The following ROBO1 variants were observed in gnomAD, a reference collection of about 807,000 sequenced individuals.
ROBO1 encodes roundabout guidance receptor 1, also known as roundabout homolog 1.
ROBO1 carries 149 observed loss-of-function variants against 195.9 expected under a neutral mutation model. The ratio of observed to expected loss-of-function variants is 0.76; its 90% CI spans 0.67 to 0.87. The LOEUF is 0.87. Ranked by LOEUF, ROBO1 falls within the 40% of genes least tolerant of loss-of-function variation. The probability of loss-of-function intolerance (pLI) is 0.00; values close to 1 mark genes in which losing one functional copy is unlikely to be tolerated. For missense variants in ROBO1, 1,933 were observed against 2,068.3 expected (o/e 0.93, Z 1.27); for synonymous variants, 816 against 733.2 (o/e 1.11, Z -1.82).
At chr3:79,465,357 T>C (rs1240494346) in intron 2 of ROBO1, among the ~76,000 whole-genome samples, 2 of 152,168 alleles carry the variant, frequency 1.3e-5, no homozygotes, top group African/African-American at 2.4e-5. Flanking sequence ...ATTTATCTCT[T>C]CCAATTTAAT....
chr3:79,691,045 T>A (rs1386417819), intron 1 of ROBO1, among the ~76,000 whole-genome samples: 1 of 151,944 alleles, frequency 6.6e-6, no homozygotes, highest in Non-Finnish European at 1.5e-5. Flanking sequence ...TCAGAAACTG[T>A]GGCTTTAACA....
intron 1 of ROBO1, among the ~76,000 whole-genome samples, chr3:79,651,635 G>A (rs991989608): frequency 5.3e-5 from 8 of 152,060 alleles, no homozygotes; most frequent in East Asian, 1.9e-4. Flanking sequence ...CTAGCACCCC[G>A]GGAGACCAGC....
At chr3:79,644,827 A>T (rs1945770653) in intron 1 of ROBO1, among the ~76,000 whole-genome samples, 2 of 152,174 alleles carry the variant, frequency 1.3e-5, no homozygotes, top group South Asian at 4.1e-4. Flanking sequence ...AACAGGTCTC[A>T]GCAAATTCAT....
At position 79,031,382 on chromosome 3, in the gene ROBO1, T is replaced by C. The variant is rs572907555; in HGVS notation, c.173-92455A>G. ...ACATGTATTATTCCTCTTCCAGTGA[T>C]CTACAAGATAAAGGAATATCTCAGG... On this transcript the variant is annotated intron_variant, in intron 3 of 30. Coordinates refer to ENST00000464233, the MANE Select transcript of ROBO1 (RefSeq NM_002941.4). Among the ~76,000 whole-genome samples, 763 of 152,316 alleles carry C rather than the reference T, an allele frequency of 5.0e-3. 2 individuals carry two copies. The highest frequency in any genetic ancestry group is 0.014 in the Middle Eastern group (4 of 294).
intron 4 of ROBO1, among the ~76,000 whole-genome samples, chr3:78,826,877 G>A (rs1009711302): frequency 6.6e-6 from 1 of 152,120 alleles, no homozygotes; most frequent in East Asian, 1.9e-4. Flanking sequence ...TAACTTTCTG[G>A]TAACACAACC....
chr3:79,344,915 C>T (rs574602933), intron 2 of ROBO1, among the ~76,000 whole-genome samples: 18 of 152,058 alleles, frequency 1.2e-4, no homozygotes, highest in Admixed American at 1.0e-3. Flanking sequence ...TTTTCCTGCA[C>T]TCTCACTTTT....
At chr3:78,723,588 C>T (rs2082093160) in intron 5 of ROBO1, among the ~76,000 whole-genome samples, 1 of 152,228 alleles carries the variant, frequency 6.6e-6, no homozygotes, top group South Asian at 2.1e-4. Flanking sequence ...GAGGCAATCA[C>T]CCTTCCTCTC....
chr3:79,631,094 A>G (rs1945326998), intron 1 of ROBO1, among the ~76,000 whole-genome samples: 1 of 152,000 alleles, frequency 6.6e-6, no homozygotes, highest in South Asian at 2.1e-4. Context: ...AACAGATTCA[A>G]TGAAAATCTT....
chr3:79,338,431 C>A (rs2034772443), intron 2 of ROBO1, among the ~76,000 whole-genome samples: 1 of 152,138 alleles, frequency 6.6e-6, no homozygotes, highest in African/African-American at 2.4e-5. Context: ...TCTTATTGCC[C>A]ATTTCTAACC....
rs1164238877 is a variant in ROBO1, at chr3:79,632,195, G to A, written c.-50-42234C>T. On this transcript the variant is annotated intron_variant, in intron 1 of 30. Coordinates refer to ENST00000464233, the MANE Select transcript of ROBO1 (RefSeq NM_002941.4). ...CATCTGCACTTAATGTGTTTTTGTA[G>A]CACTATTTACAATAGCAAAGTCATA... 2.0e-5 allele frequency among the ~76,000 whole-genome samples: 3 copies of A among 152,048 alleles called. No homozygotes were observed. The East Asian group carries it at 5.8e-4, about 29-fold the overall frequency.
At chr3:78,652,006 AC>A in intron 18 of ROBO1, 77 bp from the exon 19 acceptor site, 1 of 1,121,040 alleles carries the variant, frequency 8.9e-7, no homozygotes, top group Non-Finnish European at 1.3e-6. Context: ...GGCTGCCATT[AC>A]TTTGTTAATT....
In ROBO1 at chr3:78,639,612, T is replaced by C. The variant is rs1705797675; in HGVS notation, c.3037+132A>G. 1.1e-5 allele frequency: 9 copies of C among 821,034 alleles called. No homozygotes were observed. In the South Asian group the frequency reaches 3.0e-4, roughly 27 times the overall value. 50.9% of individuals were successfully genotyped at this position (821,034 alleles called of 1,614,324 possible). A position where few individuals can be genotyped will look rare whatever the true frequency, so the allele number is the denominator to read the frequency against. On this transcript the variant is annotated intron_variant, in intron 22 of 30. Transcript: ENST00000464233. ...AAATACTTAAATCAGGCTATTTTGC[T>C]AAACAATAGTCAGCATTGGATAAAA...
intron 1 of ROBO1, among the ~76,000 whole-genome samples, chr3:79,717,509 G>A (rs975736094): frequency 6.6e-6 from 1 of 151,896 alleles, no homozygotes; most frequent in Non-Finnish European, 1.5e-5. Context: ...ACCAATTCGA[G>A]CTCTCATTGT....
chr3:79,193,943 A>G (rs186608579), intron 2 of ROBO1, among the ~76,000 whole-genome samples: 2 of 151,840 alleles, frequency 1.3e-5, no homozygotes, highest in Admixed American at 6.6e-5. Flanking sequence ...ACCGATGTTA[A>G]GAGACCTAGT....
At chr3:78,737,517 A>T (rs2082419656) in intron 5 of ROBO1, among the ~76,000 whole-genome samples, 1 of 152,144 alleles carries the variant, frequency 6.6e-6, no homozygotes, top group African/African-American at 2.4e-5. Context: ...CACTGAACTA[A>T]TCTAGGTATG....
At chr3:79,384,668 T>C (rs1408520834) in intron 2 of ROBO1, among the ~76,000 whole-genome samples, 1 of 152,042 alleles carries the variant, frequency 6.6e-6, no homozygotes. Context: ...TAATCTCTTT[T>C]AGCAAGTTAA....
intron 2 of ROBO1, among the ~76,000 whole-genome samples, chr3:79,246,221 G>A (rs1051416460): frequency 3.3e-5 from 5 of 152,022 alleles, no homozygotes; most frequent in African/African-American, 1.2e-4. Context: ...AATGCCATTT[G>A]GTATTTTGTG....
intron 8 of ROBO1, among the ~76,000 whole-genome samples, chr3:78,692,483 C>A (rs1030393181): frequency 6.6e-5 from 10 of 152,064 alleles, no homozygotes; most frequent in Non-Finnish European, 1.3e-4. Context: ...GTTGCCCAGG[C>A]TGCTCTTGAA....
intron 2 of ROBO1, among the ~76,000 whole-genome samples, chr3:79,400,292 C>T (rs938932162): frequency 4.6e-5 from 7 of 151,992 alleles, no homozygotes; most frequent in African/African-American, 1.7e-4. Flanking sequence ...ACCCCCACAA[C>T]ACACACACAC....
Sources: allele counts gnomAD v4.1 joint callset (sites outside exome capture counted in the v4.1 genomes callset), GRCh38; gene constraint gnomAD v4.1.1; transcripts MANE v1.5; gene names NCBI Gene and HGNC (gene_info 2026-07-23, HGNC 2026-07-21).